Variants in THADA observed in about 807,000 individuals in gnomAD.
THADA encodes the protein tRNA (32-2'-O)-methyltransferase regulator THADA.
Under a neutral mutation model 219.8 loss-of-function variants are expected in THADA, and 213 were observed. That is an observed-to-expected ratio of 0.97 (90% CI 0.87 to 1.09). The LOEUF (loss-of-function observed/expected upper bound fraction) is 1.09. THADA is among the 50% of genes least tolerant of loss of function. The pLI is 0.00. For missense variants in THADA, 2,956 were observed against 2,311.3 expected (o/e 1.28, Z -5.72); for synonymous variants, 1,018 against 828.9 (o/e 1.23, Z -3.92).
At chr2:43,246,083 G>C (rs141647229) in intron 36 of THADA, among the ~76,000 whole-genome samples, 734 of 152,068 alleles carry the variant, frequency 4.8e-3, no homozygotes, top group Non-Finnish European at 8.2e-3. Context: ...TTCCTTACTA[G>C]GTGCCCACCT....
intron 24 of THADA, 117 bp downstream of exon 24, chr2:43,505,505 G>T: frequency 1.5e-6 from 1 of 651,332 alleles, no homozygotes; most frequent in Non-Finnish European, 2.6e-6. Context: ...AGTGAGCTGA[G>T]ATCGCGCCAC....
intron 21 of THADA, among the ~76,000 whole-genome samples, chr2:43,538,978 G>A (rs969287877): frequency 6.6e-6 from 1 of 152,102 alleles, no homozygotes; most frequent in African/African-American, 2.4e-5. Flanking sequence ...GATTTTAAAC[G>A]GACTGTCATC....
chr2:43,383,109 G>T (rs957640974), intron 29 of THADA, among the ~76,000 whole-genome samples: 1 of 152,120 alleles, frequency 6.6e-6, no homozygotes, highest in Non-Finnish European at 1.5e-5. Flanking sequence ...TATGGGATGG[G>T]ACTAAAATGG....
chr2:43,505,144 C>T (rs1008485394), intron 24 of THADA, among the ~76,000 whole-genome samples: 2 of 152,076 alleles, frequency 1.3e-5, no homozygotes, highest in Admixed American at 6.5e-5. Flanking sequence ...TGTACATCAA[C>T]GCAAAGAAGC....
chr2:43,511,541 G>A (rs1690445562), intron 22 of THADA, among the ~76,000 whole-genome samples: 1 of 152,126 alleles, frequency 6.6e-6, no homozygotes, highest in Non-Finnish European at 1.5e-5. Flanking sequence ...GGTTGCCTAT[G>A]ACCTGGACCC....
intron 36 of THADA, among the ~76,000 whole-genome samples, chr2:43,233,731 A>C (rs139338671): frequency 7.2e-4 from 109 of 152,098 alleles, no homozygotes; most frequent in African/African-American, 2.6e-3. Context: ...GACAATCCTA[A>C]ATATGGGTTT....
chr2:43,396,803 C>A (rs898663401), intron 29 of THADA, among the ~76,000 whole-genome samples: 7 of 151,052 alleles, frequency 4.6e-5, no homozygotes, highest in African/African-American at 1.5e-4. Flanking sequence ...AGTGTAAGAC[C>A]CTGTCTCAAA....
At chr2:43,386,747 T>A (rs564380836) in intron 29 of THADA, among the ~76,000 whole-genome samples, 12 of 151,994 alleles carry the variant, frequency 7.9e-5, no homozygotes, top group African/African-American at 2.9e-4. Flanking sequence ...ATACAAAAAA[T>A]TAGCCAGGTG....
At chr2:43,415,685 T>C (rs1411498476) in intron 28 of THADA, among the ~76,000 whole-genome samples, 2 of 152,076 alleles carry the variant, frequency 1.3e-5, no homozygotes, top group African/African-American at 2.4e-5. Context: ...CCAGCGACAC[T>C]AGTTCTCTTC....
chr2:43,556,090 T>A, intron 17 of THADA: 1 of 831,342 alleles, frequency 1.2e-6, no homozygotes, highest in Non-Finnish European at 1.6e-6. Context: ...GAGAAAGAGG[T>A]CATTCTCATT....
At chr2:43,307,275 C>T (rs13390381) in intron 31 of THADA, among the ~76,000 whole-genome samples, 4 of 152,024 alleles carry the variant, frequency 2.6e-5, no homozygotes, top group Non-Finnish European at 5.9e-5. Flanking sequence ...TCAGTTGAAA[C>T]GATGAGATAT....
At chr2:43,458,604 C>T (rs1398398972) in intron 26 of THADA, among the ~76,000 whole-genome samples, 1 of 152,158 alleles carries the variant, frequency 6.6e-6, no homozygotes, top group Non-Finnish European at 1.5e-5. Flanking sequence ...CCCCTACTGT[C>T]ACTATCCTAA....
chr2:43,590,377 T>C (rs1022123847), intron 4 of THADA, among the ~76,000 whole-genome samples: 4 of 152,086 alleles, frequency 2.6e-5, no homozygotes, highest in Non-Finnish European at 4.4e-5. Flanking sequence ...CTTTTTATAC[T>C]TTTAAAAAGT....
At chr2:43,542,796 T>A (rs1695493936) in intron 20 of THADA, among the ~76,000 whole-genome samples, 1 of 152,196 alleles carries the variant, frequency 6.6e-6, no homozygotes, top group Non-Finnish European at 1.5e-5. Flanking sequence ...CTCCAAGGCT[T>A]TCTGTTCTAA....
chr2:43,569,036 A>G (rs1300476476), intron 14 of THADA, among the ~76,000 whole-genome samples: 1 of 152,118 alleles, frequency 6.6e-6, no homozygotes, highest in East Asian at 1.9e-4. Context: ...CAGTGCTACA[A>G]TTAAGGCTCA....
chr2:43,281,689 A>G (rs765154143), intron 35 of THADA, among the ~76,000 whole-genome samples: 1 of 152,028 alleles, frequency 6.6e-6, no homozygotes, highest in Non-Finnish European at 1.5e-5. Context: ...CACCCTCCTC[A>G]GCCTCCCAAA....
intron 26 of THADA, among the ~76,000 whole-genome samples, chr2:43,451,099 TTTATG>T (rs1682258251): frequency 1.3e-5 from 2 of 152,196 alleles, no homozygotes; most frequent in South Asian, 2.1e-4. Context: ...GATGGTAAAT[TTTATG>T]TTATGTGTAT....
At chr2:43,530,765 G>A (rs897803838) in intron 21 of THADA, among the ~76,000 whole-genome samples, 1 of 152,002 alleles carries the variant, frequency 6.6e-6, no homozygotes, top group African/African-American at 2.4e-5. Flanking sequence ...AACTCCCTTC[G>A]AAGAGGTCTA....
chr2:43,586,580 T>A (rs1701051092), intron 6 of THADA, 122 bp downstream of exon 6: 22 of 1,324,666 alleles, frequency 1.7e-5, no homozygotes, highest in Non-Finnish European at 2.3e-5. Flanking sequence ...AAAGGAAGGG[T>A]CATGATGTAC....
Sources: gnomAD v4.1 joint callset for allele counts (sites outside exome capture counted in the v4.1 genomes callset) on GRCh38, gnomAD v4.1.1 for gene constraint, MANE v1.5 for transcripts, NCBI Gene and HGNC (gene_info 2026-07-23, HGNC 2026-07-21) for gene names.